Variants in FRMD5 observed in about 807,000 individuals in gnomAD.
The protein encoded by FRMD5 is FERM domain containing 5, also known as FERM domain-containing protein 5.
Under a neutral mutation model 69.0 loss-of-function variants are expected in FRMD5, and 20 were observed. The ratio of observed to expected loss-of-function variants is 0.29; its 90% CI spans 0.20 to 0.42. The LOEUF (loss-of-function observed/expected upper bound fraction) is 0.42, where lower values mean the gene tolerates loss of function less well. Ranked by LOEUF, FRMD5 falls within the 10% of genes least tolerant of loss-of-function variation. FRMD5 has a pLI of 1.00. For missense variants in FRMD5, 595 were observed against 708.6 expected (o/e 0.84, Z 1.82); for synonymous variants, 271 against 260.1 (o/e 1.04, Z -0.40).
At chr15:43,935,886 C>A (rs1217653346) in intron 1 of FRMD5, among the ~76,000 whole-genome samples, 1 of 152,190 alleles carries the variant, frequency 6.6e-6, no homozygotes, top group East Asian at 1.9e-4. Context: ...TTGGGAAAAA[C>A]ACTCAATTCA....
chr15:44,001,003 T>C (rs1252875987), intron 1 of FRMD5, among the ~76,000 whole-genome samples: 3 of 152,098 alleles, frequency 2.0e-5, no homozygotes, highest in Non-Finnish European at 4.4e-5. Context: ...CTAATTTACA[T>C]TCCCATTAAG....
At chr15:44,162,246 G>A (rs1028450016) in intron 1 of FRMD5, among the ~76,000 whole-genome samples, 2 of 144,840 alleles carry the variant, frequency 1.4e-5, no homozygotes, top group African/African-American at 5.0e-5. Flanking sequence ...TTACAGGTGT[G>A]AGCCACCGTG....
intron 1 of FRMD5, among the ~76,000 whole-genome samples, chr15:44,093,856 T>G (rs918347018): frequency 6.6e-6 from 1 of 151,742 alleles, no homozygotes; most frequent in African/African-American, 2.4e-5. Context: ...ACAGGCGTGA[T>G]CCACCACGCC....
chr15:44,175,290 C>G (rs1390627290), intron 1 of FRMD5, among the ~76,000 whole-genome samples: 2 of 152,210 alleles, frequency 1.3e-5, no homozygotes, highest in African/African-American at 4.8e-5. Context: ...GTCTGAGGAA[C>G]AGAATATAAA....
At chr15:43,954,191 C>G (rs2090079725) in intron 1 of FRMD5, among the ~76,000 whole-genome samples, 1 of 152,220 alleles carries the variant, frequency 6.6e-6, no homozygotes. Context: ...TGCTCTCACG[C>G]TTTCCCTGGG....
intron 1 of FRMD5, among the ~76,000 whole-genome samples, chr15:43,969,643 G>T (rs867257551): frequency 6.6e-6 from 1 of 152,094 alleles, no homozygotes; most frequent in South Asian, 2.1e-4. Context: ...AAAAAGACTG[G>T]AAGTTCTTAT....
chr15:43,973,075 T>G (rs990311083), intron 1 of FRMD5, among the ~76,000 whole-genome samples: 57 of 152,122 alleles, frequency 3.7e-4, no homozygotes, highest in African/African-American at 1.4e-3. Context: ...CAGGCTGGAG[T>G]GCAGTGGCGC....
rs1357007486 is a variant in FRMD5 at position 44,194,966 on chromosome 15, G to A, written c.89C>T (p.Thr30Ile). The change falls in exon 1 of 14, where the codon ACC (threonine) becomes ATC (isoleucine). Residue 30 changes from threonine (T) to isoleucine (I), a missense_variant. Coordinates refer to ENST00000417257, the MANE Select transcript of FRMD5 (RefSeq NM_032892.5). ...TVRLLDDSEY[T>I]CTIQRDAKGQ... is the part of the protein sequence containing the mutation. ...CGCGGCGCTGACCTGGATGGTGCAG[G>A]TGTACTCGCTGTCGTCCAGCAGCCG... The A allele has an allele frequency of 1.9e-6, 3 of 1,538,748 alleles. No individual in the cohort carries two copies. The highest frequency in any genetic ancestry group is 1.2e-5 in the South Asian group (1 of 83,634).
intron 1 of FRMD5, 178 bp downstream of exon 1, chr15:44,194,775 T>G (rs2078257353): frequency 1.5e-6 from 1 of 689,364 alleles, no homozygotes; most frequent in East Asian, 2.9e-5. Context: ...GTGCCAGGGC[T>G]CCGGCAGGGG....
At chr15:44,005,666 C>T (rs553109544) in intron 1 of FRMD5, among the ~76,000 whole-genome samples, 8 of 151,960 alleles carry the variant, frequency 5.3e-5, no homozygotes, top group Admixed American at 2.6e-4. Flanking sequence ...GGCCGGAGCA[C>T]GAGGAAAAGA....
chr15:43,962,322 A>C (rs1238595198), intron 1 of FRMD5, among the ~76,000 whole-genome samples: 1 of 152,238 alleles, frequency 6.6e-6, no homozygotes, highest in Non-Finnish European at 1.5e-5. Context: ...CAAAGAGAAT[A>C]AAATACCTAG....
chr15:44,016,276 A>T (rs1050560919), intron 1 of FRMD5, among the ~76,000 whole-genome samples: 1 of 152,230 alleles, frequency 6.6e-6, no homozygotes, highest in Non-Finnish European at 1.5e-5. Flanking sequence ...TCTAGTGGGA[A>T]TTATACCACT....
In FRMD5 at chr15:44,132,146, G is replaced by A. The variant is rs1259965031; in HGVS notation, c.102+62807C>T. On this transcript the variant is annotated intron_variant, in intron 1 of 13. Coordinates refer to ENST00000417257, the MANE Select transcript of FRMD5 (RefSeq NM_032892.5). ...ATGGGCAGTTCACAAAAGGGTTCAC[G>A]CTCCTTTGAGAATCTAATGCCACCG... Among the ~76,000 whole-genome samples the A allele has an allele frequency of 3.9e-5, 6 of 152,220 alleles. No homozygotes were observed. The South Asian group carries it at 6.2e-4, about 16-fold the overall frequency.
chr15:44,179,284 T>C lies in FRMD5; in HGVS notation c.102+15669A>G, dbSNP rs2077955473. Among the ~76,000 whole-genome samples, 4 of 152,254 alleles carry C rather than the reference T, an allele frequency of 2.6e-5. No homozygotes were observed. In the South Asian group the frequency reaches 6.2e-4, roughly 24 times the overall value. ...TTTATAAGACTTTGAATCTGAAAAA[T>C]ACCCCTCAAACCCACTTGATTCCCT... is the stretch of plus-strand genomic sequence containing the variant. On this transcript the variant is annotated intron_variant, in intron 1 of 13. Coordinates refer to ENST00000417257, the MANE Select transcript of FRMD5 (RefSeq NM_032892.5).
intron 13 of FRMD5, among the ~76,000 whole-genome samples, chr15:43,876,614 T>C (rs143000729): frequency 5.9e-5 from 9 of 152,354 alleles, no homozygotes; most frequent in African/African-American, 2.2e-4. Context: ...AAACCCAGCA[T>C]ACAGCATCTT....
rs2088227131 is a variant in FRMD5, at chr15:43,873,688, C to T, written c.*197G>A. On this transcript the variant is annotated 3_prime_UTR_variant, in exon 14 of 14. Coordinates refer to ENST00000417257, the MANE Select transcript of FRMD5 (RefSeq NM_032892.5). ...ATAACTTCTGAAGAAAATGAGTTTT[C>T]CCAGTTTGTTTAGACAGGGCATGAG... 2 of 1,457,410 alleles carry T rather than the reference C, an allele frequency of 1.4e-6. No individual in the cohort carries two copies. The highest frequency in any genetic ancestry group is 2.7e-5 in the East Asian group (1 of 36,812). 90.3% of individuals were successfully genotyped at this position (1,457,410 alleles called of 1,614,324 possible).
chr15:43,876,848 A>C (rs933455847), intron 13 of FRMD5, among the ~76,000 whole-genome samples: 1 of 152,220 alleles, frequency 6.6e-6, no homozygotes, highest in Non-Finnish European at 1.5e-5. Flanking sequence ...ACTTCAGAGC[A>C]CAAAACAGTT....
intron 1 of FRMD5, among the ~76,000 whole-genome samples, chr15:44,132,619 G>C (rs2077118137): frequency 6.6e-6 from 1 of 152,028 alleles, no homozygotes; most frequent in East Asian, 1.9e-4. Context: ...CGTAGAGACA[G>C]GGTTTTGCTA....
At chr15:44,144,615 G>C (rs2077327899) in intron 1 of FRMD5, among the ~76,000 whole-genome samples, 1 of 152,144 alleles carries the variant, frequency 6.6e-6, no homozygotes, top group Non-Finnish European at 1.5e-5. Flanking sequence ...TGGTTTCTGT[G>C]AACTAGCTTG....
Sources: allele counts gnomAD v4.1 joint callset (sites outside exome capture counted in the v4.1 genomes callset), GRCh38; gene constraint gnomAD v4.1.1; transcripts MANE v1.5; gene names NCBI Gene and HGNC (gene_info 2026-07-23, HGNC 2026-07-21).